The following NKTR variants were observed in gnomAD, a reference collection of about 807,000 sequenced individuals.
NKTR encodes natural killer cell triggering receptor.
NKTR carries 67 observed loss-of-function variants against 156.3 expected under a neutral mutation model. The observed-to-expected ratio is 0.43, with a 90% CI of 0.35 to 0.53. The LOEUF is 0.53. NKTR is among the 20% of genes least tolerant of loss of function. The pLI, the probability that NKTR is intolerant of heterozygous loss-of-function variation, is 0.01. For missense variants in NKTR, 1,604 were observed against 1,730.9 expected (o/e 0.93, Z 1.30); for synonymous variants, 640 against 596.6 (o/e 1.07, Z -1.06).
intron 2 of NKTR, among the ~76,000 whole-genome samples, chr3:42,613,457 G>A (rs1707038464): frequency 6.6e-6 from 1 of 152,098 alleles, no homozygotes; most frequent in South Asian, 2.1e-4. Context: ...CCCCTTGCTT[G>A]TAATTAATTG....
chr3:42,628,842 A>AATTAC (rs1708635472), intron 6 of NKTR: 1 of 294,982 alleles, frequency 3.4e-6, no homozygotes, highest in Non-Finnish European at 5.0e-6. Context: ...TCTCTACTAA[A>AATTAC]ATTACAGAAA....
chr3:42,644,978 T>G (rs918275584), intron 16 of NKTR, among the ~76,000 whole-genome samples: 1 of 150,806 alleles, frequency 6.6e-6, no homozygotes, highest in Admixed American at 6.6e-5. Flanking sequence ...TTTTGTGTCT[T>G]TGTGTGTGTG....
rs1709219534 is a variant in NKTR, at chr3:42,634,704, T to C, written c.1017+4T>C. On this transcript the variant is annotated splice_donor_region_variant and intron_variant, in intron 11 of 16. Transcript: ENST00000232978. ...GATTAAAGGAAGGGGCACAATTGTATGTGTGATAAGACTTTTTTTGATATT... is the reference window on the plus strand; with the variant it reads ...GATTAAAGGAAGGGGCACAATTGTACGTGTGATAAGACTTTTTTTGATATT... The C allele has an allele frequency of 6.5e-7, 1 of 1,541,694 alleles. No individual in the cohort carries two copies. Among genetic ancestry groups the C allele is most frequent in the South Asian group, 1.2e-5 (1 of 83,992 alleles).
rs1489049572 is a variant in NKTR, at chr3:42,600,774, GC to G, written c.-26del. On this transcript the variant is annotated 5_prime_UTR_variant, in exon 1 of 17. Transcript: ENST00000232978. ...GGGGACCCGCTCAGGCTGGAGGCCAGCCAGGTGAAGAGCTCGCCCGCATGCG... is the reference window on the plus strand; with the variant it reads ...GGGGACCCGCTCAGGCTGGAGGCCAGCAGGTGAAGAGCTCGCCCGCATGCG... The G allele has an allele frequency of 8.1e-5, 30 of 369,880 alleles. No individual in the cohort carries two copies. The highest frequency in any genetic ancestry group is 1.4e-3 in the Middle Eastern group (2 of 1,388). 22.9% of individuals were successfully genotyped at this position (369,880 alleles called of 1,614,324 possible).
intron 6 of NKTR, among the ~76,000 whole-genome samples, chr3:42,622,901 G>C (rs976901726): frequency 1.3e-5 from 2 of 151,960 alleles, no homozygotes; most frequent in African/African-American, 4.8e-5. Context: ...GCTACCATTT[G>C]AGGGCTCTAA....
intron 6 of NKTR, among the ~76,000 whole-genome samples, chr3:42,624,790 G>A (rs1229060420): frequency 6.6e-6 from 1 of 152,006 alleles, no homozygotes; most frequent in African/African-American, 2.4e-5. Flanking sequence ...ATGACATTTG[G>A]GGAAACATTC....
intron 6 of NKTR, among the ~76,000 whole-genome samples, chr3:42,623,450 T>A (rs968436446): frequency 6.6e-6 from 1 of 152,068 alleles, no homozygotes. Context: ...GATTTTTGTG[T>A]CAGTATACTT....
At chr3:42,617,445 C>G (rs1444828143) in intron 2 of NKTR, 125 bp from the exon 3 acceptor site, 2 of 573,082 alleles carry the variant, frequency 3.5e-6, no homozygotes, top group African/African-American at 3.8e-5. Flanking sequence ...CCCATTACAT[C>G]TTTTAAAAAA....
Position 42,600,772 on chromosome 3 carries a change from C to T in NKTR, c.-30C>T. The T allele has an allele frequency of 2.7e-6, 1 of 369,094 alleles. No individual in the cohort carries two copies. Among genetic ancestry groups the T allele is most frequent in the Non-Finnish European group, 4.9e-6 (1 of 204,758 alleles). The allele number at this position is 369,094 out of a possible 1,614,324, so 22.9% of individuals were successfully genotyped here. On this transcript the variant is annotated 5_prime_UTR_variant, in exon 1 of 17. Coordinates refer to ENST00000232978, the MANE Select transcript of NKTR (RefSeq NM_005385.4). ...ACGGGGACCCGCTCAGGCTGGAGGC[C>T]AGCCAGGTGAAGAGCTCGCCCGCAT...
At position 42,637,381 on chromosome 3, in the gene NKTR, C is replaced by T. The variant is rs143019477; in HGVS notation, c.1677C>T (p.His559=). The T allele has an allele frequency of 4.3e-6, 7 of 1,613,976 alleles. No homozygotes were observed. Among genetic ancestry groups the T allele is most frequent in the Non-Finnish European group, 5.9e-6 (7 of 1,179,968 alleles). ...SKSRSSSKSG[H]RKRASKSPRK... ...CCAGATCTAGTTCCAAGTCTGGGCA[C>T]CGAAAGAGAGCATCAAAATCACCAA... The change falls in exon 13 of 17, where the codon CAC becomes CAT. Residue 559 remains histidine (H), a synonymous_variant. Coordinates refer to ENST00000232978, the MANE Select transcript of NKTR (RefSeq NM_005385.4).
chr3:42,628,262 C>T, intron 6 of NKTR: 2 of 985,348 alleles, frequency 2.0e-6, no homozygotes, highest in Non-Finnish European at 2.4e-6. Context: ...CTGAGTTGTC[C>T]TTGAAATAGT....
intron 16 of NKTR, among the ~76,000 whole-genome samples, chr3:42,644,419 A>G (rs56300632): frequency 0.33 from 50,604 of 152,058 alleles, 9,717 homozygotes; most frequent in Admixed American, 0.5. Flanking sequence ...TATGTTGTCA[A>G]TTATTTAGTA....
At position 42,628,271 on chromosome 3, in the gene NKTR, G is replaced by C. The variant is rs555290214; in HGVS notation, c.375-2275G>C. On this transcript the variant is annotated intron_variant, in intron 6 of 16. Transcript: ENST00000232978. Reference sequence around the variant, plus strand: ...GGCAGGCTGAGTTGTCCTTGAAATAGTCATTCGTGTCTTCATTTGTTTTCT... The same window carrying C: ...GGCAGGCTGAGTTGTCCTTGAAATACTCATTCGTGTCTTCATTTGTTTTCT... 4.6e-5 allele frequency: 45 copies of C among 985,382 alleles called. No individual in the cohort carries two copies. In the South Asian group the frequency reaches 1.6e-3, roughly 36 times the overall value. 61.0% of individuals were successfully genotyped at this position (985,382 alleles called of 1,614,324 possible). A position where few individuals can be genotyped will look rare whatever the true frequency, so the allele number is the denominator to read the frequency against.
Position 42,636,841 on chromosome 3 carries a change from C to T in NKTR, c.1164-27C>T, listed in dbSNP as rs534287990. Reference sequence around the variant, plus strand: ...TGTAGAAAACATGCTTATAAATCACCGCATGAATATTATGTCCTTTCTATA... The same window carrying T: ...TGTAGAAAACATGCTTATAAATCACTGCATGAATATTATGTCCTTTCTATA... On this transcript the variant is annotated intron_variant, in intron 12 of 16. Coordinates refer to ENST00000232978, the MANE Select transcript of NKTR (RefSeq NM_005385.4). 7.2e-6 allele frequency: 11 copies of T among 1,525,430 alleles called. No homozygotes were observed. In the African/African-American group the frequency reaches 1.1e-4, roughly 15 times the overall value. 94.5% of individuals were successfully genotyped at this position (1,525,430 alleles called of 1,614,324 possible).
Position 42,632,836 on chromosome 3 carries a change from C to T in NKTR, c.773+13C>T, listed in dbSNP as rs575082134. 13 of 1,544,426 alleles carry T rather than the reference C, an allele frequency of 8.4e-6. No homozygotes were observed. In the African/African-American group the frequency reaches 1.7e-4, roughly 20 times the overall value. On this transcript the variant is annotated intron_variant, in intron 9 of 16. Coordinates refer to ENST00000232978, the MANE Select transcript of NKTR (RefSeq NM_005385.4). The stretch of plus-strand genomic sequence containing the variant: ...TGAACCCAAAAGGGTACGTGTAAAA[C>T]ACCAATGTACTCTTACCTAAAAACA...
At position 42,601,124 on chromosome 3, in the gene NKTR, G is replaced by T. The variant is rs890662189; in HGVS notation, c.58+60G>T. 2.3e-5 allele frequency: 32 copies of T among 1,388,600 alleles called. No individual in the cohort carries two copies. In the African/African-American group the frequency reaches 4.5e-4, roughly 20 times the overall value. The allele number at this position is 1,388,600 out of a possible 1,614,324, so 86.0% of individuals were successfully genotyped here. On this transcript the variant is annotated intron_variant, in intron 2 of 16. Transcript: ENST00000232978. Reference sequence around the variant, plus strand: ...AGGCCTGCCTTGGCGAAGGGGAGGGGTCTACCCTCAGCAACCCTCCCCCGG... The same window carrying T: ...AGGCCTGCCTTGGCGAAGGGGAGGGTTCTACCCTCAGCAACCCTCCCCCGG...
Position 42,601,085 on chromosome 3 carries a change from C to T in NKTR, c.58+21C>T, listed in dbSNP as rs1039257809. 6.5e-6 allele frequency: 10 copies of T among 1,549,738 alleles called. No homozygotes were observed. In the African/African-American group the frequency reaches 1.3e-4, roughly 19 times the overall value. On this transcript the variant is annotated intron_variant, in intron 2 of 16. Transcript: ENST00000232978. ...GCCGGGTGAGCTGGAAACTGGGGAG[C>T]GCTGCTGGGGCCGAGGCCTGCCTTG...
chr3:42,606,857 A>AG (rs1706284674), intron 2 of NKTR, among the ~76,000 whole-genome samples: 1 of 151,634 alleles, frequency 6.6e-6, no homozygotes, highest in South Asian at 2.1e-4. Context: ...AAAAAAAAAA[A>AG]TTTCGTTTGG....
rs1707642380 is a variant in NKTR, at chr3:42,618,808, C to T, written c.134-212C>T. Among the ~76,000 whole-genome samples, 3 of 152,100 alleles carry T rather than the reference C, an allele frequency of 2.0e-5. No homozygotes were observed. The South Asian group carries it at 6.2e-4, about 32-fold the overall frequency. On this transcript the variant is annotated intron_variant, in intron 3 of 16. Coordinates refer to ENST00000232978, the MANE Select transcript of NKTR (RefSeq NM_005385.4). ...GTCCTATAGCATGTAGAGTCTGTAC[C>T]ACACAATTTTACATTTACATGCTGC...
Sources: allele counts gnomAD v4.1 joint callset (sites outside exome capture counted in the v4.1 genomes callset), GRCh38; gene constraint gnomAD v4.1.1; transcripts MANE v1.5; gene names NCBI Gene and HGNC (gene_info 2026-07-23, HGNC 2026-07-21).